Variants in DAB1 observed in about 807,000 individuals in gnomAD.
DAB1 encodes disabled homolog 1.
A neutral mutation model predicts 64.6 loss-of-function variants in DAB1; 15 were observed. The ratio of observed to expected loss-of-function variants is 0.23; its 90% CI spans 0.16 to 0.36. The LOEUF is 0.36. DAB1 is among the 10% of genes least tolerant of loss of function. The probability of loss-of-function intolerance (pLI) is 1.00; values close to 1 mark genes in which losing one functional copy is unlikely to be tolerated. For synonymous variants in DAB1, 235 were observed against 251.9 expected, an observed-to-expected ratio of 0.93 and a Z score of 0.64; for missense variants, 596 against 706.7, an observed-to-expected ratio of 0.84 and a Z score of 1.78.
chr1:58,275,126 A>G (rs635809), intron 4 of DAB1, among the ~76,000 whole-genome samples: 38,772 of 152,208 alleles, frequency 0.25, 5,837 homozygotes, highest in African/African-American at 0.4. Context: ...TTGGATGTCC[A>G]CATATAAAAA....
intron 5 of DAB1, among the ~76,000 whole-genome samples, chr1:58,106,277 G>C (rs976466187): frequency 9.2e-5 from 14 of 151,662 alleles, no homozygotes; most frequent in East Asian, 3.9e-4. Flanking sequence ...TCCTGGATTC[G>C]GGTAATCCTC....
chr1:58,379,491 G>A (rs574630873), intron 3 of DAB1, among the ~76,000 whole-genome samples: 8 of 152,234 alleles, frequency 5.3e-5, no homozygotes, highest in South Asian at 2.1e-4. Context: ...TTAGCTAACC[G>A]TTTGTTTTAA....
chr1:57,493,970 C>A (rs1644198386), intron 7 of DAB1, among the ~76,000 whole-genome samples: 3 of 152,184 alleles, frequency 2.0e-5, no homozygotes, highest in African/African-American at 7.2e-5. Flanking sequence ...GTCAAAAACA[C>A]TGAACCTCGG....
intron 1 of DAB1, among the ~76,000 whole-genome samples, chr1:57,848,619 G>A (rs930281223): frequency 2.6e-5 from 4 of 152,162 alleles, no homozygotes; most frequent in Non-Finnish European, 5.9e-5. Context: ...TATATCACAT[G>A]AGTTACCAAG....
At chr1:58,119,117 G>A (rs1029614724) in intron 5 of DAB1, among the ~76,000 whole-genome samples, 2 of 152,118 alleles carry the variant, frequency 1.3e-5, no homozygotes, top group Non-Finnish European at 2.9e-5. Flanking sequence ...CAATCTATGT[G>A]AACTACTATT....
chr1:57,312,956 G>A (rs964933539), intron 1 of DAB1, among the ~76,000 whole-genome samples: 1 of 152,140 alleles, frequency 6.6e-6, no homozygotes, highest in Non-Finnish European at 1.5e-5. Flanking sequence ...CAAGGTCACG[G>A]CAGCGCTTGC....
intron 7 of DAB1, among the ~76,000 whole-genome samples, chr1:57,578,486 T>C (rs1193993026): frequency 3.3e-5 from 5 of 152,310 alleles, no homozygotes; most frequent in Non-Finnish European, 7.4e-5. Context: ...GCTGGACACT[T>C]ATCTTCATAG....
At chr1:58,455,083 G>A (rs905656499) in intron 3 of DAB1, among the ~76,000 whole-genome samples, 1 of 152,216 alleles carries the variant, frequency 6.6e-6, no homozygotes, top group Non-Finnish European at 1.5e-5. Context: ...CTATATTTGA[G>A]TTCTTCCAGC....
intron 3 of DAB1, among the ~76,000 whole-genome samples, chr1:58,442,934 G>A (rs1645028342): frequency 6.6e-6 from 1 of 152,122 alleles, no homozygotes. Flanking sequence ...CTTATTTTGA[G>A]GATTCTAGGA....
rs929551118 is a variant in DAB1, at chr1:58,493,998, T to G, written n.257+12062A>C. On this transcript the variant is annotated intron_variant and non_coding_transcript_variant, in intron 3 of 20. Coordinates refer to the DAB1 transcript ENST00000485760. ...AAAAAGAACAAAGCTGGAGGCATCA[T>G]GCTACCTGACTTCAAACTATACTAC... is the stretch of plus-strand genomic sequence containing the variant. 4.1e-4 allele frequency among the ~76,000 whole-genome samples: 61 copies of G among 147,214 alleles called. 1 individual carries two copies. Among genetic ancestry groups the G allele is most frequent in the African/African-American group, 1.4e-3 (57 of 40,258 alleles).
intron 5 of DAB1, among the ~76,000 whole-genome samples, chr1:58,073,657 T>C (rs1396254004): frequency 6.6e-6 from 1 of 152,236 alleles, no homozygotes. Context: ...TTCTGGGTTT[T>C]GAAATTCTAA....
At chr1:57,296,675 T>C (rs1036259973) in intron 1 of DAB1, among the ~76,000 whole-genome samples, 8 of 152,036 alleles carry the variant, frequency 5.3e-5, no homozygotes, top group African/African-American at 7.2e-5. Context: ...AATAAACCAT[T>C]GAAAAAATAG....
At chr1:57,865,040 T>C (rs1450660581) in intron 1 of DAB1, 1 of 152,162 alleles carries the variant, frequency 6.6e-6, no homozygotes, top group South Asian at 2.1e-4. Context: ...TCCCGTACAC[T>C]TGGAGGTGTG....
intron 5 of DAB1, 113 bp downstream of exon 5, chr1:57,072,170 G>A (rs1337642792): frequency 1.7e-6 from 2 of 1,210,026 alleles, no homozygotes; most frequent in Non-Finnish European, 2.3e-6. Flanking sequence ...AACTTCAGTG[G>A]AAATACATTG....
At chr1:57,777,141 C>CTTTTTTTTT (rs71051255) in intron 6 of DAB1, among the ~76,000 whole-genome samples, 6 of 90,404 alleles carry the variant, frequency 6.6e-5, no homozygotes, top group East Asian at 3.5e-4. Flanking sequence ...TTCTGAATTT[C>CTTTTTTTTT]TTTTTTTTTT....
At chr1:57,518,840 T>C (rs1291407732) in intron 7 of DAB1, among the ~76,000 whole-genome samples, 1 of 152,230 alleles carries the variant, frequency 6.6e-6, no homozygotes, top group African/African-American at 2.4e-5. Context: ...AAAGGCCTAT[T>C]ATGTTAGTAA....
At chr1:58,204,981 A>G (rs938252065) in intron 4 of DAB1, among the ~76,000 whole-genome samples, 3 of 152,228 alleles carry the variant, frequency 2.0e-5, no homozygotes, top group African/African-American at 7.2e-5. Flanking sequence ...TCAGTCTGGT[A>G]GCAGCTCTGT....
intron 5 of DAB1, among the ~76,000 whole-genome samples, chr1:57,918,550 C>A (rs541357585): frequency 1.3e-5 from 2 of 152,126 alleles, no homozygotes; most frequent in African/African-American, 4.8e-5. Context: ...CTAAGCCAGG[C>A]GCGGTGGCTC....
intron 1 of DAB1, chr1:57,862,817 C>T (rs556622811): frequency 1.3e-5 from 2 of 152,276 alleles, no homozygotes; most frequent in East Asian, 1.9e-4. Flanking sequence ...CTGAGACTCT[C>T]ACACTGCTGG....
Sources: allele counts gnomAD v4.1 joint callset (sites outside exome capture counted in the v4.1 genomes callset), GRCh38; gene constraint gnomAD v4.1.1; transcripts MANE v1.5; gene names NCBI Gene and HGNC (gene_info 2026-07-23, HGNC 2026-07-21).